GRXCR2: variants seen among roughly 807,000 people sequenced by gnomAD.
GRXCR2 encodes glutaredoxin and cysteine rich domain containing 2.
Under a neutral mutation model 24.8 loss-of-function variants are expected in GRXCR2, and 23 were observed. The ratio of observed to expected loss-of-function variants is 0.93; its 90% CI spans 0.67 to 1.32. The LOEUF (loss-of-function observed/expected upper bound fraction) is 1.32, where lower values mean the gene tolerates loss of function less well. Ranked by LOEUF, GRXCR2 falls within the 40% of genes most tolerant of loss-of-function variation. GRXCR2 has a pLI of 0.00. For missense variants in GRXCR2, 315 were observed against 303.4 expected, an observed-to-expected ratio of 1.04 and a Z score of -0.28; for synonymous variants, 130 against 116.1, an observed-to-expected ratio of 1.12 and a Z score of -0.77.
At chr5:145,865,408 G>A (rs552597065) in intron 2 of GRXCR2, among the ~76,000 whole-genome samples, 2 of 152,284 alleles carry the variant, frequency 1.3e-5, no homozygotes, top group African/African-American at 4.8e-5. Flanking sequence ...TTCCAAGGTG[G>A]TGCGTGCACA....
At position 145,859,935 on chromosome 5, in the gene GRXCR2, G is replaced by T. The variant is rs769545107; in HGVS notation, c.565-20C>A. Reference sequence around the variant, plus strand: ...CCCTTCCTGCAAGAGACAGGTTAGGGTTTAGTTAAAGCAGCAGTTCAAGTC... The same window carrying T: ...CCCTTCCTGCAAGAGACAGGTTAGGTTTTAGTTAAAGCAGCAGTTCAAGTC... On this transcript the variant is annotated intron_variant, in intron 2 of 2. Transcript: ENST00000377976. 13 of 1,538,984 alleles carry T rather than the reference G, an allele frequency of 8.4e-6. No homozygotes were observed. The highest frequency in any genetic ancestry group is 1.0e-5 in the Non-Finnish European group (12 of 1,143,008).
intron 2 of GRXCR2, among the ~76,000 whole-genome samples, chr5:145,879,554 A>T (rs755012790): frequency 6.6e-6 from 1 of 152,248 alleles, no homozygotes; most frequent in African/African-American, 2.4e-5. Flanking sequence ...TGATAAAGCA[A>T]GTCCTTAGAG....
chr5:145,880,238 A>G (rs1267281599), intron 2 of GRXCR2, among the ~76,000 whole-genome samples: 1 of 152,202 alleles, frequency 6.6e-6, no homozygotes, highest in Non-Finnish European at 1.5e-5. Flanking sequence ...AACCCTTCAA[A>G]AAATCAATGA....
chr5:145,920,359 G>A (rs796151792), intron 2 of GRXCR2, among the ~76,000 whole-genome samples: 12 of 152,336 alleles, frequency 7.9e-5, no homozygotes, highest in African/African-American at 2.9e-4. Context: ...CCAGCAATCT[G>A]TGTCTTAACC....
intron 2 of GRXCR2, among the ~76,000 whole-genome samples, chr5:145,919,297 G>A (rs886121366): frequency 6.6e-6 from 1 of 152,202 alleles, no homozygotes; most frequent in African/African-American, 2.4e-5. Flanking sequence ...GGATCCCAAT[G>A]AGGAACTCTT....
At chr5:145,930,632 A>G (rs2149931658) in intron 2 of GRXCR2, among the ~76,000 whole-genome samples, 1 of 152,350 alleles carries the variant, frequency 6.6e-6, no homozygotes, top group South Asian at 2.1e-4. Flanking sequence ...TAAAGATAAA[A>G]TGCAAATGAT....
At chr5:145,892,558 G>A (rs1756884423) in intron 2 of GRXCR2, among the ~76,000 whole-genome samples, 1 of 152,188 alleles carries the variant, frequency 6.6e-6, no homozygotes, top group South Asian at 2.1e-4. Context: ...TGAATGAAAT[G>A]AAGCGAGAAG....
intron 2 of GRXCR2, among the ~76,000 whole-genome samples, chr5:145,900,826 G>C (rs1032384811): frequency 1.3e-5 from 2 of 152,098 alleles, no homozygotes; most frequent in African/African-American, 4.8e-5. Context: ...TCTACCAAAA[G>C]ACACATGCAC....
intron 2 of GRXCR2, among the ~76,000 whole-genome samples, chr5:145,910,096 C>T (rs574928896): frequency 4.6e-5 from 7 of 152,266 alleles, no homozygotes; most frequent in African/African-American, 1.2e-4. Flanking sequence ...TTTGTTCCCA[C>T]GCTATTGTAC....
upstream of GRXCR2, among the ~76,000 whole-genome samples, chr5:145,873,974 C>T (rs989170967): frequency 1.3e-5 from 2 of 152,064 alleles, no homozygotes; most frequent in African/African-American, 4.8e-5. Context: ...CCCAGAATAG[C>T]CACTCTGGGA....
At chr5:145,889,985 T>G (rs1756840774) in intron 2 of GRXCR2, among the ~76,000 whole-genome samples, 1 of 152,252 alleles carries the variant, frequency 6.6e-6, no homozygotes, top group East Asian at 1.9e-4. Context: ...AATTGAAAGC[T>G]TTGTCAATAG....
chr5:145,912,571 A>G (rs1757179900), intron 2 of GRXCR2, among the ~76,000 whole-genome samples: 1 of 152,168 alleles, frequency 6.6e-6, no homozygotes, highest in African/African-American at 2.4e-5. Context: ...AATTTGATAG[A>G]TGGTGGTAAG....
At chr5:145,889,232 GAAAGAAA>G (rs1756827054) in intron 2 of GRXCR2, among the ~76,000 whole-genome samples, 1 of 148,610 alleles carries the variant, frequency 6.7e-6, no homozygotes, top group Non-Finnish European at 1.5e-5. Context: ...AAGAAAGAAA[GAAAGAAA>G]GAAAGAATTA....
chr5:145,924,355 C>T (rs1477641209), intron 2 of GRXCR2, among the ~76,000 whole-genome samples: 1 of 152,146 alleles, frequency 6.6e-6, no homozygotes, highest in Non-Finnish European at 1.5e-5. Flanking sequence ...GGATTTTTAT[C>T]GAAATGTTTA....
chr5:145,920,410 C>T (rs1757306297), intron 2 of GRXCR2, among the ~76,000 whole-genome samples: 2 of 152,168 alleles, frequency 1.3e-5, no homozygotes, highest in African/African-American at 4.8e-5. Context: ...AGTTTGAGCA[C>T]CCTTGCCTTA....
intron 2 of GRXCR2, among the ~76,000 whole-genome samples, chr5:145,892,707 T>G (rs1033759590): frequency 2.0e-5 from 3 of 152,198 alleles, no homozygotes; most frequent in African/African-American, 4.8e-5. Context: ...GAAAACACTC[T>G]GCAGGATATT....
intron 2 of GRXCR2, among the ~76,000 whole-genome samples, chr5:145,915,248 G>A (rs1288832819): frequency 1.3e-5 from 2 of 152,294 alleles, no homozygotes; most frequent in Non-Finnish European, 2.9e-5. Context: ...CCATTCCTGT[G>A]CACTCATTAC....
chr5:145,907,389 C>T (rs1009308693), intron 2 of GRXCR2, among the ~76,000 whole-genome samples: 5 of 151,970 alleles, frequency 3.3e-5, no homozygotes, highest in African/African-American at 9.7e-5. Context: ...ATTAGCCAGG[C>T]ATGGTGGCGG....
intron 2 of GRXCR2, among the ~76,000 whole-genome samples, chr5:145,909,948 A>C (rs1757142481): frequency 6.6e-6 from 1 of 152,126 alleles, no homozygotes; most frequent in Non-Finnish European, 1.5e-5. Flanking sequence ...GGACAGTACG[A>C]TCAGACACGA....
Sources: gnomAD v4.1 joint callset for allele counts (sites outside exome capture counted in the v4.1 genomes callset) on GRCh38, gnomAD v4.1.1 for gene constraint, MANE v1.5 for transcripts, NCBI Gene and HGNC (gene_info 2026-07-23, HGNC 2026-07-21) for gene names.